Variants in PLEKHA7 observed in about 807,000 individuals in gnomAD.
The protein encoded by PLEKHA7 is pleckstrin homology domain containing A7.
PLEKHA7 carries 104 observed loss-of-function variants against 170.0 expected under a neutral mutation model. The ratio of observed to expected loss-of-function variants is 0.61; its 90% CI spans 0.52 to 0.72. The LOEUF is 0.72. PLEKHA7 is among the 30% of genes least tolerant of loss of function. The pLI is 0.00. For synonymous variants in PLEKHA7, 648 were observed against 660.8 expected, an observed-to-expected ratio of 0.98 and a Z score of 0.30; for missense variants, 1,615 against 1,671.7, an observed-to-expected ratio of 0.97 and a Z score of 0.59.
At chr11:16,894,509 T>C (rs1253326082) in intron 3 of PLEKHA7, among the ~76,000 whole-genome samples, 4 of 152,332 alleles carry the variant, frequency 2.6e-5, no homozygotes, top group Admixed American at 6.5e-5. Context: ...CAAGGCAAGA[T>C]GGCAGGGTGA....
intron 3 of PLEKHA7, among the ~76,000 whole-genome samples, chr11:16,883,473 C>T (rs780959335): frequency 6.6e-5 from 10 of 152,158 alleles, no homozygotes; most frequent in Non-Finnish European, 1.3e-4. Flanking sequence ...TTATCTCCTG[C>T]CCAAACACCC....
chr11:16,781,214 A>G, intron 26 of PLEKHA7: 1 of 156,154 alleles, frequency 6.4e-6, no homozygotes, highest in Non-Finnish European at 1.4e-5. Flanking sequence ...CCTGGTGGGG[A>G]ACCGGATGGG....
intron 4 of PLEKHA7, among the ~76,000 whole-genome samples, chr11:16,866,938 A>C (rs527518380): frequency 3.3e-5 from 5 of 152,318 alleles, no homozygotes; most frequent in East Asian, 1.9e-4. Context: ...CTATCTGTTC[A>C]CACCAATAAT....
intron 3 of PLEKHA7, among the ~76,000 whole-genome samples, chr11:16,885,350 T>A (rs556081095): frequency 6.7e-6 from 1 of 149,822 alleles, no homozygotes; most frequent in Non-Finnish European, 1.5e-5. Flanking sequence ...AAAAAATTCA[T>A]ATGTAAAAGT....
Position 16,817,133 on chromosome 11 carries a change from C to T in PLEKHA7, c.1533G>A (p.Glu511=). ...RASHLKMSSE[E]RRAHRDGTVW... is the part of the protein sequence containing the mutation. ...CGGTGCCATCCCGGTGCGCCCGGCG[C>T]TCTTCACTCGACATCTTCAGGTGGC... Residue 511 remains glutamate, a synonymous_variant, in exon 11 of 27, where the codon GAG becomes GAA. Transcript: ENST00000531066. This position sits in a 1 kb window ranked among gnomAD's most constrained non-coding sequence, Gnocchi z 4.4. 5 of 1,614,218 alleles carry T rather than the reference C, an allele frequency of 3.1e-6. No individual in the cohort carries two copies. In the South Asian group the frequency reaches 4.4e-5, roughly 14 times the overall value.
intron 24 of PLEKHA7, 59 bp downstream of exon 24, chr11:16,786,170 A>G: frequency 6.6e-7 from 1 of 1,520,812 alleles, no homozygotes; most frequent in Non-Finnish European, 8.8e-7. Flanking sequence ...AAGGTGGATC[A>G]GGCTGGGAAC....
chr11:17,003,825 T>C (rs1042539213), intron 3 of PLEKHA7, among the ~76,000 whole-genome samples: 3 of 152,196 alleles, frequency 2.0e-5, no homozygotes, highest in African/African-American at 7.2e-5. Context: ...CAGGCCAGTA[T>C]CCTGAAGAGG....
At chr11:17,002,663 C>T (rs1442719253) in intron 3 of PLEKHA7, among the ~76,000 whole-genome samples, 3 of 152,234 alleles carry the variant, frequency 2.0e-5, no homozygotes, top group Non-Finnish European at 2.9e-5. Flanking sequence ...GAAAGCACCA[C>T]GAAGATTATT....
chr11:16,971,834 T>A (rs1192532264), intron 3 of PLEKHA7, among the ~76,000 whole-genome samples: 1 of 152,178 alleles, frequency 6.6e-6, no homozygotes, highest in Admixed American at 6.5e-5. Flanking sequence ...TTTTTTTTCT[T>A]TTTTATTGAG....
intron 4 of PLEKHA7, among the ~76,000 whole-genome samples, chr11:16,856,789 C>T (rs1853492128): frequency 6.6e-6 from 1 of 152,222 alleles, no homozygotes; most frequent in African/African-American, 2.4e-5. Flanking sequence ...CAGCTGGATG[C>T]CTGATGCCAA....
At chr11:16,931,542 G>A (rs1343545030) in intron 3 of PLEKHA7, among the ~76,000 whole-genome samples, 1 of 151,902 alleles carries the variant, frequency 6.6e-6, no homozygotes, top group Non-Finnish European at 1.5e-5. Flanking sequence ...GGCCAACATG[G>A]CAAAATCCTG....
Position 16,918,749 on chromosome 11 carries a change from T to C in PLEKHA7, c.222-47567A>G, listed in dbSNP as rs558087163. ...CGCCTCTGTAATTTCTGCCACATCT[T>C]GTCCAACCTGTACTTCCACTTTTTT... is the stretch of plus-strand genomic sequence containing the variant. On this transcript the variant is annotated intron_variant, in intron 3 of 26. Coordinates refer to ENST00000531066, the MANE Select transcript of PLEKHA7 (RefSeq NM_001329630.2). Among the ~76,000 whole-genome samples the C allele has an allele frequency of 2.0e-5, 3 of 152,368 alleles. No individual in the cohort carries two copies. In the East Asian group the frequency reaches 5.8e-4, roughly 29 times the overall value.
chr11:17,006,101 T>A (rs1386892135), intron 3 of PLEKHA7, among the ~76,000 whole-genome samples: 2 of 152,158 alleles, frequency 1.3e-5, no homozygotes, highest in African/African-American at 2.4e-5. Flanking sequence ...CTGGGCATGG[T>A]GGCTCATGCC....
At chr11:16,900,342 T>C (rs1029649383) in intron 3 of PLEKHA7, among the ~76,000 whole-genome samples, 5 of 152,318 alleles carry the variant, frequency 3.3e-5, no homozygotes, top group Non-Finnish European at 7.4e-5. Flanking sequence ...CATGGTTCAG[T>C]CTGTCCTTAG....
Position 16,955,766 on chromosome 11 carries a change from T to C in PLEKHA7, c.221+58223A>G, listed in dbSNP as rs189400728. 3.7e-3 allele frequency among the ~76,000 whole-genome samples: 570 copies of C among 152,316 alleles called. 2 individuals carry two copies. The highest frequency in any genetic ancestry group is 6.3e-3 in the Non-Finnish European group (426 of 68,032). On this transcript the variant is annotated intron_variant, in intron 3 of 26. Coordinates refer to ENST00000531066, the MANE Select transcript of PLEKHA7 (RefSeq NM_001329630.2). ...GGGGGCTTGGGGGAAAATGGGATTTTAAGTTCAGTTCTCAGTTATCTAAAA... is the reference window on the plus strand; with the variant it reads ...GGGGGCTTGGGGGAAAATGGGATTTCAAGTTCAGTTCTCAGTTATCTAAAA...
intron 9 of PLEKHA7, among the ~76,000 whole-genome samples, chr11:16,838,480 T>A (rs1851693643): frequency 6.9e-6 from 1 of 145,176 alleles, no homozygotes; most frequent in Non-Finnish European, 1.5e-5. Flanking sequence ...ACCACTGCAC[T>A]CCAGCCAGGG....
intron 3 of PLEKHA7, among the ~76,000 whole-genome samples, chr11:16,892,191 A>G (rs997233409): frequency 6.6e-5 from 10 of 152,212 alleles, no homozygotes; most frequent in African/African-American, 2.4e-4. Context: ...TGAATCTATG[A>G]ATCCATAAAA....
intron 4 of PLEKHA7, among the ~76,000 whole-genome samples, chr11:16,857,528 TC>T (rs1448088340): frequency 6.6e-6 from 1 of 152,198 alleles, no homozygotes; most frequent in African/African-American, 2.4e-5. Context: ...GCCTTGTCCA[TC>T]CCCTTTCTCC....
At chr11:16,933,090 G>A (rs1359007888) in intron 3 of PLEKHA7, among the ~76,000 whole-genome samples, 1 of 152,170 alleles carries the variant, frequency 6.6e-6, no homozygotes, top group East Asian at 1.9e-4. Flanking sequence ...GATGGCCCGG[G>A]GATTAAGGAC....
Sources: gnomAD v4.1 joint callset for allele counts (sites outside exome capture counted in the v4.1 genomes callset) on GRCh38, gnomAD v4.1.1 for gene constraint, Gnocchi (gnomAD v3.1) non-coding constraint, MANE v1.5 for transcripts, NCBI Gene and HGNC (gene_info 2026-07-23, HGNC 2026-07-21) for gene names.